Variants in RASGRF1 observed in about 807,000 individuals in gnomAD.
RASGRF1 encodes the protein Ras protein specific guanine nucleotide releasing factor 1.
A neutral mutation model predicts 138.7 loss-of-function variants in RASGRF1; 40 were observed. That is an observed-to-expected ratio of 0.29 (90% CI 0.22 to 0.38). The LOEUF (loss-of-function observed/expected upper bound fraction) is 0.38. Ranked by LOEUF, RASGRF1 falls within the 10% of genes least tolerant of loss-of-function variation. The pLI is 1.00. For missense variants in RASGRF1, 1,108 were observed against 1,650.4 expected (o/e 0.67, Z 5.69); for synonymous variants, 614 against 663.2 (o/e 0.93, Z 1.14).
chr15:79,071,553 A>G lies in RASGRF1; in HGVS notation c.277-7027T>C, dbSNP rs549717680. Among the ~76,000 whole-genome samples, 74 of 146,766 alleles carry G rather than the reference A, an allele frequency of 5.0e-4. No individual in the cohort carries two copies. In the East Asian group the frequency reaches 0.011, roughly 21 times the overall value. On this transcript the variant is annotated intron_variant, in intron 1 of 26. Coordinates refer to ENST00000558480, the MANE Select transcript of RASGRF1 (RefSeq NM_001145648.3). ...TTTTTTTTTTTTTTGTATTTTTAGTAGAGACGGGGTTTTGCCATGTTGGCC... is the reference window on the plus strand; with the variant it reads ...TTTTTTTTTTTTTTGTATTTTTAGTGGAGACGGGGTTTTGCCATGTTGGCC...
At chr15:79,041,363 TGC>T (rs1303516580) in intron 5 of RASGRF1, among the ~76,000 whole-genome samples, 4 of 152,202 alleles carry the variant, frequency 2.6e-5, no homozygotes, top group Non-Finnish European at 4.4e-5. Flanking sequence ...GCACAGCTGG[TGC>T]AGCTGTAATC....
chr15:79,075,493 C>T (rs2057820855), intron 1 of RASGRF1, among the ~76,000 whole-genome samples: 1 of 152,192 alleles, frequency 6.6e-6, no homozygotes, highest in Non-Finnish European at 1.5e-5. Flanking sequence ...CAGTCTGGAG[C>T]TGGATCTACT....
chr15:78,974,228 C>T (rs12903619), intron 24 of RASGRF1, among the ~76,000 whole-genome samples: 69,109 of 152,012 alleles, frequency 0.45, 18,528 homozygotes, highest in East Asian at 0.67. Context: ...CGTTATGTGC[C>T]GGCAGGGCTC....
chr15:79,040,143 C>A (rs2057277613), intron 5 of RASGRF1, among the ~76,000 whole-genome samples: 1 of 152,092 alleles, frequency 6.6e-6, no homozygotes, highest in Non-Finnish European at 1.5e-5. Context: ...CGGGTCTACC[C>A]CACAGAGCTG....
intron 5 of RASGRF1, among the ~76,000 whole-genome samples, chr15:79,039,152 T>A (rs936916265): frequency 6.8e-6 from 1 of 147,380 alleles, no homozygotes; most frequent in African/African-American, 2.5e-5. Flanking sequence ...ATAAAAAAAA[T>A]TAGCCAGGAA....
chr15:78,977,738 T>C (rs2141612368), intron 24 of RASGRF1, among the ~76,000 whole-genome samples: 1 of 152,346 alleles, frequency 6.6e-6, no homozygotes, highest in South Asian at 2.1e-4. Flanking sequence ...AATAACAGCC[T>C]GTCCCCCGTG....
At chr15:78,988,368 G>T (rs1315979682) in intron 22 of RASGRF1, among the ~76,000 whole-genome samples, 1 of 152,222 alleles carries the variant, frequency 6.6e-6, no homozygotes, top group Non-Finnish European at 1.5e-5. Flanking sequence ...TTGTTGCCTG[G>T]TGCTGTAAGG....
rs1231364728 is a variant in RASGRF1 at position 79,006,090 on chromosome 15, GA to G, written c.2075+95del. ...AACACGTTACTGCTGCTCCTCCAGG[GA>G]CCTTCCAGGTCACCCCCCGGCCCCG... On this transcript the variant is annotated intron_variant, in intron 14 of 26. Coordinates refer to ENST00000558480, the MANE Select transcript of RASGRF1 (RefSeq NM_001145648.3). This position sits in a 1 kb window ranked among gnomAD's most constrained non-coding sequence, Gnocchi z 4.0. 1 of 1,535,768 alleles carries G rather than the reference GA, an allele frequency of 6.5e-7. No individual in the cohort carries two copies. The highest frequency in any genetic ancestry group is 8.9e-7 in the Non-Finnish European group (1 of 1,127,210).
At chr15:79,049,610 G>T in intron 3 of RASGRF1, 22 bp from the exon 4 acceptor site, 1 of 1,600,532 alleles carries the variant, frequency 6.2e-7, no homozygotes. Context: ...ACACAGGTCA[G>T]CCTGTGAGGG....
chr15:78,968,250 ATGTGTGTGTGTGTGTG>A (rs10529968), intron 26 of RASGRF1, among the ~76,000 whole-genome samples: 5 of 134,226 alleles, frequency 3.7e-5, no homozygotes, highest in Admixed American at 7.6e-5. Context: ...CATGACACTG[ATGTGTGTGTGTGTGTG>A]TGTGTGTGTG....
chr15:79,005,035 G>A (rs558589036), intron 14 of RASGRF1: 1 of 985,582 alleles, frequency 1.0e-6, no homozygotes. Context: ...GACACTGTCT[G>A]CTGGGCCCCT....
intron 1 of RASGRF1, among the ~76,000 whole-genome samples, chr15:79,086,995 G>C (rs779336478): frequency 6.6e-6 from 1 of 152,204 alleles, no homozygotes. Context: ...GCTTGCAGCT[G>C]CCAGATGGAA....
intron 26 of RASGRF1, among the ~76,000 whole-genome samples, chr15:78,971,568 C>T (rs1182888006): frequency 1.3e-5 from 2 of 152,194 alleles, no homozygotes; most frequent in Non-Finnish European, 2.9e-5. Context: ...AACTTGTAAG[C>T]ATAGTACCTT....
intron 1 of RASGRF1, among the ~76,000 whole-genome samples, chr15:79,085,571 T>C (rs2057968576): frequency 6.6e-6 from 1 of 152,140 alleles, no homozygotes; most frequent in African/African-American, 2.4e-5. Context: ...GGCTGAGAGG[T>C]TGAATGTGCT....
intron 6 of RASGRF1, 30 bp downstream of exon 6, chr15:79,035,082 CCCTGGAGGGGGACTTCTCT>C: frequency 6.6e-7 from 1 of 1,512,882 alleles, no homozygotes; most frequent in Non-Finnish European, 9.1e-7. Flanking sequence ...TTGGGGTGGC[CCCTGGAGGGGGACTTCTCT>C]GGGGGCCGCA....
At chr15:79,049,461 C>A in intron 4 of RASGRF1, 35 bp downstream of exon 4, 1 of 1,597,664 alleles carries the variant, frequency 6.3e-7, no homozygotes, top group Non-Finnish European at 8.6e-7. Flanking sequence ...AAAGAGAGAG[C>A]TCCAAAGAAG....
At chr15:78,992,181 T>C (rs1356445264) in intron 20 of RASGRF1, among the ~76,000 whole-genome samples, 1 of 152,248 alleles carries the variant, frequency 6.6e-6, no homozygotes, top group Non-Finnish European at 1.5e-5. Context: ...AGGCTGTGCC[T>C]GGCCACTCCC....
At chr15:79,062,233 A>G (rs1187931407) in intron 2 of RASGRF1, among the ~76,000 whole-genome samples, 1 of 152,270 alleles carries the variant, frequency 6.6e-6, no homozygotes, top group Non-Finnish European at 1.5e-5. Flanking sequence ...GCCCCTTCAC[A>G]TAAATAATTT....
chr15:79,081,534 C>T (rs2057913716), intron 1 of RASGRF1, among the ~76,000 whole-genome samples: 1 of 152,230 alleles, frequency 6.6e-6, no homozygotes, highest in African/African-American at 2.4e-5. Context: ...TGACATAGCA[C>T]ACAGGCTTTT....
Sources: gnomAD v4.1 joint callset for allele counts (sites outside exome capture counted in the v4.1 genomes callset) on GRCh38, gnomAD v4.1.1 for gene constraint, Gnocchi (gnomAD v3.1) non-coding constraint, MANE v1.5 for transcripts, NCBI Gene and HGNC (gene_info 2026-07-23, HGNC 2026-07-21) for gene names.